Variants in VWA3B observed in about 807,000 individuals in gnomAD.
The protein encoded by VWA3B is von Willebrand factor A domain containing 3B.
VWA3B carries 138 observed loss-of-function variants against 158.3 expected under a neutral mutation model. The ratio of observed to expected loss-of-function variants is 0.87; its 90% CI spans 0.76 to 1.00. The LOEUF (loss-of-function observed/expected upper bound fraction) is 1.00. Among genes scored for constraint, VWA3B ranks in the 50% least tolerant of loss-of-function variants. The pLI is 0.00. For missense variants in VWA3B, 1,555 were observed against 1,565.1 expected (o/e 0.99, Z 0.11); for synonymous variants, 596 against 587.3 (o/e 1.01, Z -0.21).
chr2:98,224,320 T>C (rs1307474650), intron 14 of VWA3B, among the ~76,000 whole-genome samples: 1 of 152,190 alleles, frequency 6.6e-6, no homozygotes, highest in Non-Finnish European at 1.5e-5. Flanking sequence ...TATCCTTTTC[T>C]TCATGAGATT....
intron 19 of VWA3B, among the ~76,000 whole-genome samples, chr2:98,248,845 TTC>T (rs1491027062): frequency 8.6e-5 from 2 of 23,216 alleles, no homozygotes; most frequent in African/African-American, 5.5e-4. Flanking sequence ...CTTTCTTTCT[TTC>T]TTTCTTTCTT....
At chr2:98,096,156 C>T (rs1371608637) in intron 2 of VWA3B, among the ~76,000 whole-genome samples, 4 of 152,178 alleles carry the variant, frequency 2.6e-5, no homozygotes, top group Non-Finnish European at 5.9e-5. Flanking sequence ...GAAATATTCT[C>T]TCCTCTTCAA....
intron 7 of VWA3B, among the ~76,000 whole-genome samples, chr2:98,161,751 A>G (rs796278433): frequency 2.4e-4 from 37 of 152,048 alleles, no homozygotes; most frequent in African/African-American, 8.0e-4. Context: ...CTGTCTCCTG[A>G]GCTGGAGTGC....
chr2:98,215,812 A>G lies in VWA3B; in HGVS notation c.1837-2034A>G, dbSNP rs563953628. On this transcript the variant is annotated intron_variant, in intron 13 of 27. Transcript: ENST00000477737. Reference sequence around the variant, plus strand: ...ATTAAAGGTGTGAGCCACCGCGCCCAGCCAATTTAGAAACTCTTGAGGACT... The same window carrying G: ...ATTAAAGGTGTGAGCCACCGCGCCCGGCCAATTTAGAAACTCTTGAGGACT... Among the ~76,000 whole-genome samples the G allele has an allele frequency of 6.6e-4, 101 of 152,266 alleles. 1 individual carries two copies. The highest frequency in any genetic ancestry group is 1.1e-3 in the Non-Finnish European group (73 of 68,012).
chr2:98,172,889 G>T (rs13399675), intron 8 of VWA3B, among the ~76,000 whole-genome samples: 2 of 152,104 alleles, frequency 1.3e-5, no homozygotes, highest in Non-Finnish European at 2.9e-5. Flanking sequence ...CACTATTGGG[G>T]TGAAGTGAAC....
intron 7 of VWA3B, among the ~76,000 whole-genome samples, chr2:98,159,660 G>A (rs1256590510): frequency 6.6e-6 from 1 of 152,088 alleles, no homozygotes; most frequent in Non-Finnish European, 1.5e-5. Flanking sequence ...ACTCCATTAG[G>A]AACCGTATCC....
chr2:98,277,268 C>G (rs764738676), intron 22 of VWA3B, among the ~76,000 whole-genome samples: 96 of 152,254 alleles, frequency 6.3e-4, no homozygotes, highest in Non-Finnish European at 1.0e-3. Context: ...CTCCCTAGCA[C>G]CCCTCATGTT....
chr2:98,176,657 T>C (rs1334965990), intron 8 of VWA3B, among the ~76,000 whole-genome samples: 1 of 152,194 alleles, frequency 6.6e-6, no homozygotes, highest in Non-Finnish European at 1.5e-5. Flanking sequence ...GTCTCTCAAA[T>C]ACAAGCCCTC....
chr2:98,234,017 G>A (rs1685505228), intron 16 of VWA3B, among the ~76,000 whole-genome samples: 1 of 152,244 alleles, frequency 6.6e-6, no homozygotes, highest in African/African-American at 2.4e-5. Context: ...TCACAGGGTA[G>A]AAAATAACAT....
downstream of VWA3B, among the ~76,000 whole-genome samples, chr2:98,315,373 C>T (rs1388035038): frequency 6.6e-6 from 1 of 152,142 alleles, no homozygotes; most frequent in South Asian, 2.1e-4. Context: ...TATGGCCACC[C>T]TATATAATAG....
intron 2 of VWA3B, among the ~76,000 whole-genome samples, chr2:98,096,001 G>A (rs1682682391): frequency 6.6e-6 from 1 of 152,142 alleles, no homozygotes; most frequent in South Asian, 2.1e-4. Flanking sequence ...TCTTTTTAAT[G>A]TGTTATTGAA....
the VWA3B span, among the ~76,000 whole-genome samples, chr2:98,328,738 A>G: frequency 6.6e-6 from 1 of 152,362 alleles, no homozygotes; most frequent in South Asian, 2.1e-4. Context: ...AAAGATCAAC[A>G]TTATTAAGAT....
the VWA3B span, among the ~76,000 whole-genome samples, chr2:98,327,800 A>C: frequency 2.0e-5 from 3 of 152,136 alleles, no homozygotes; most frequent in Admixed American, 6.5e-5. Flanking sequence ...TGCACATCCA[A>C]TTATTCTTAA....
chr2:98,174,486 G>C (rs1679845441), intron 8 of VWA3B, among the ~76,000 whole-genome samples: 1 of 152,210 alleles, frequency 6.6e-6, no homozygotes, highest in Non-Finnish European at 1.5e-5. Context: ...TCCTCAGTGG[G>C]AAAAGCCTTT....
Position 98,162,831 on chromosome 2 carries a change from T to C in VWA3B, c.989-20T>C. On this transcript the variant is annotated intron_variant, in intron 7 of 27. Transcript: ENST00000477737. Reference sequence around the variant, plus strand: ...TGGGCCTGTCTCAGCCGGCCGCTCATGCTGTGTCTCCCCTTTTAGGAGCTG... The same window carrying C: ...TGGGCCTGTCTCAGCCGGCCGCTCACGCTGTGTCTCCCCTTTTAGGAGCTG... The C allele has an allele frequency of 6.2e-7, 1 of 1,612,768 alleles. No homozygotes were observed. Among genetic ancestry groups the C allele is most frequent in the South Asian group, 1.1e-5 (1 of 90,984 alleles).
At chr2:98,188,815 G>GCAC (rs1324782218) in intron 10 of VWA3B, among the ~76,000 whole-genome samples, 12 of 152,118 alleles carry the variant, frequency 7.9e-5, no homozygotes, top group Admixed American at 7.9e-4. Context: ...AAAAAGGTGG[G>GCAC]GGTTGTTTGG....
chr2:98,111,680 T>C (rs1263545261), intron 2 of VWA3B, among the ~76,000 whole-genome samples: 2 of 152,176 alleles, frequency 1.3e-5, no homozygotes, highest in African/African-American at 4.8e-5. Context: ...TTGTTTCTTA[T>C]CCACTTATGT....
At chr2:98,194,008 C>A (rs1681819252) in intron 11 of VWA3B, among the ~76,000 whole-genome samples, 1 of 152,090 alleles carries the variant, frequency 6.6e-6, no homozygotes, top group Non-Finnish European at 1.5e-5. Flanking sequence ...TTTTAGATTT[C>A]TTTTCTTCCA....
rs1683433814 is a variant in VWA3B at position 98,210,642 on chromosome 2, G to T, written c.1738-1288G>T. Among the ~76,000 whole-genome samples, 3 of 152,242 alleles carry T rather than the reference G, an allele frequency of 2.0e-5. No homozygotes were observed. The South Asian group carries it at 6.2e-4, about 32-fold the overall frequency. On this transcript the variant is annotated intron_variant, in intron 12 of 27. Transcript: ENST00000477737. ...AAAGTCTTAATGGGAGAGTGCCCAT[G>T]GTATATGGTGAGGCCTGAGATGCCT...
Sources: gnomAD v4.1 joint callset for allele counts (sites outside exome capture counted in the v4.1 genomes callset) on GRCh38, gnomAD v4.1.1 for gene constraint, MANE v1.5 for transcripts, NCBI Gene and HGNC (gene_info 2026-07-23, HGNC 2026-07-21) for gene names.